The following ZNF385D variants were observed in gnomAD, a reference collection of about 807,000 sequenced individuals.
ZNF385D encodes zinc finger protein 385D, also known as zinc finger protein 659.
Under a neutral mutation model 35.8 loss-of-function variants are expected in ZNF385D, and 15 were observed. The ratio of observed to expected loss-of-function variants is 0.42; its 90% CI spans 0.28 to 0.64. The LOEUF (loss-of-function observed/expected upper bound fraction) is 0.64, where lower values mean the gene tolerates loss of function less well. Among genes scored for constraint, ZNF385D ranks in the 30% least tolerant of loss-of-function variants. The pLI is 0.23. For synonymous variants in ZNF385D, 212 were observed against 186.8 expected (o/e 1.13, Z -1.10); for missense variants, 474 against 494.6 (o/e 0.96, Z 0.39).
Position 21,510,962 on chromosome 3 carries a change from G to A in ZNF385D, c.338C>T (p.Ala113Val). ...KHAKKLKALEAMKNKQKSVTA... is the reference protein window; with the variant it reads ...KHAKKLKALEVMKNKQKSVTA... The stretch of plus-strand genomic sequence containing the variant: ...TACAGATTTCTGCTTATTTTTCATG[G>A]CTTCCAGTGCTTTGAGCTTCTTGGC... Residue 113 changes from alanine (A) to valine (V), a missense_variant, in exon 4 of 8, where the codon GCC becomes GTC. Ala to Val is a moderately conservative substitution (Grantham distance 64). Transcript: ENST00000281523. The A allele has an allele frequency of 6.2e-7, 1 of 1,614,090 alleles. No homozygotes were observed.
At chr3:22,132,542 GC>G (rs1200775148) in intron 3 of ZNF385D, among the ~76,000 whole-genome samples, 1 of 152,034 alleles carries the variant, frequency 6.6e-6, no homozygotes, top group African/African-American at 2.4e-5. Flanking sequence ...CAGAATCAAT[GC>G]AAAAAATTAG....
chr3:21,651,287 CAAAAAAAAAA>C (rs71044931), intron 2 of ZNF385D, among the ~76,000 whole-genome samples: 1 of 80,114 alleles, frequency 1.2e-5, no homozygotes, highest in African/African-American at 5.2e-5. Context: ...GACTTCATCT[CAAAAAAAAAA>C]AAAAAAAAAA....
At chr3:21,795,771 A>T (rs1266401195) in intron 3 of ZNF385D, among the ~76,000 whole-genome samples, 1 of 152,208 alleles carries the variant, frequency 6.6e-6, no homozygotes. Context: ...CTTTTCTCCC[A>T]CTAATGCCAC....
At chr3:22,361,582 A>G (rs1475925478) in intron 2 of ZNF385D, among the ~76,000 whole-genome samples, 2 of 152,142 alleles carry the variant, frequency 1.3e-5, no homozygotes, top group Non-Finnish European at 1.5e-5. Flanking sequence ...TAATACTGTC[A>G]TTTATTGATT....
intron 4 of ZNF385D, among the ~76,000 whole-genome samples, chr3:21,461,569 C>CAAACAAACAAACAA (rs142496638): frequency 1.3e-4 from 20 of 152,112 alleles, no homozygotes; most frequent in African/African-American, 3.6e-4. Flanking sequence ...AACAAACAAA[C>CAAACAAACAAACAA]AAACAAATCT....
At chr3:21,485,677 A>G (rs1462553545) in intron 4 of ZNF385D, among the ~76,000 whole-genome samples, 1 of 152,106 alleles carries the variant, frequency 6.6e-6, no homozygotes, top group Non-Finnish European at 1.5e-5. Flanking sequence ...CACATTAATA[A>G]TAATGATCAT....
rs5008263 is a variant in ZNF385D at position 21,663,915 on chromosome 3, A to T, written c.165+971T>A. Among the ~76,000 whole-genome samples the T allele has an allele frequency of 4.8e-3, 504 of 105,742 alleles. 16 individuals carry two copies. Among genetic ancestry groups the T allele is most frequent in the African/African-American group, 0.013 (356 of 26,562 alleles). 69.4% of individuals were successfully genotyped at this position (105,742 alleles called of 152,430 possible). A position where few individuals can be genotyped will look rare whatever the true frequency, so the allele number is the denominator to read the frequency against. ...AATATATATATATATATATATATAT[A>T]TATTTATTTATTTAAATCCATCATG... is the stretch of plus-strand genomic sequence containing the variant. On this transcript the variant is annotated intron_variant, in intron 2 of 7. Coordinates refer to ENST00000281523, the MANE Select transcript of ZNF385D (RefSeq NM_024697.3).
intron 2 of ZNF385D, among the ~76,000 whole-genome samples, chr3:22,252,249 A>T (rs918501312): frequency 6.6e-6 from 1 of 152,044 alleles, no homozygotes; most frequent in African/African-American, 2.4e-5. Context: ...TTATGAAAGG[A>T]AATTGAGGGG....
chr3:21,577,498 G>A (rs1287209542), intron 2 of ZNF385D, among the ~76,000 whole-genome samples: 1 of 152,156 alleles, frequency 6.6e-6, no homozygotes, highest in Non-Finnish European at 1.5e-5. Context: ...TTGACATACT[G>A]ATTTCCTTTC....
intron 3 of ZNF385D, among the ~76,000 whole-genome samples, chr3:21,935,025 T>G (rs1377884352): frequency 6.6e-6 from 1 of 152,196 alleles, no homozygotes; most frequent in Non-Finnish European, 1.5e-5. Context: ...TAGCTCTTAG[T>G]TGCATGTTGC....
intron 2 of ZNF385D, among the ~76,000 whole-genome samples, chr3:22,273,686 G>A (rs578192416): frequency 6.9e-4 from 105 of 152,114 alleles, no homozygotes; most frequent in East Asian, 6.8e-3. Context: ...GTGAGAGAAC[G>A]AGACAGATGT....
At chr3:21,849,189 T>A (rs917573577) in intron 3 of ZNF385D, among the ~76,000 whole-genome samples, 1 of 152,074 alleles carries the variant, frequency 6.6e-6, no homozygotes, top group African/African-American at 2.4e-5. Flanking sequence ...ATATTATAAG[T>A]CTTGAAAACA....
intron 3 of ZNF385D, among the ~76,000 whole-genome samples, chr3:21,913,931 G>A (rs894654278): frequency 6.6e-6 from 1 of 152,040 alleles, no homozygotes; most frequent in Non-Finnish European, 1.5e-5. Context: ...ATTAATGCAA[G>A]CCCTGAAGTA....
In ZNF385D at chr3:21,583,959, C is replaced by CTTAT. The variant is rs56661908; in HGVS notation, c.166-19279_166-19276dup. On this transcript the variant is annotated intron_variant, in intron 2 of 7. Coordinates refer to ENST00000281523, the MANE Select transcript of ZNF385D (RefSeq NM_024697.3). ...CACATGTATTTATTTTACTTATTTA[C>CTTAT]TTATTTATTTATTTATTTATTTATT... is the stretch of plus-strand genomic sequence containing the variant. 2.2e-3 allele frequency among the ~76,000 whole-genome samples: 303 copies of CTTAT among 138,296 alleles called. 1 individual carries two copies. Among genetic ancestry groups the CTTAT allele is most frequent in the African/African-American group, 5.7e-3 (205 of 36,008 alleles). The allele number at this position is 138,296 out of a possible 152,430, so 90.7% of individuals were successfully genotyped here. A position where few individuals can be genotyped will look rare whatever the true frequency, so the allele number is the denominator to read the frequency against.
intron 3 of ZNF385D, among the ~76,000 whole-genome samples, chr3:21,876,823 C>G (rs1697999783): frequency 6.6e-6 from 1 of 152,034 alleles, no homozygotes; most frequent in Non-Finnish European, 1.5e-5. Flanking sequence ...CTGCAAGCTA[C>G]TAAGCATTAG....
chr3:22,036,635 C>A (rs150720231), intron 3 of ZNF385D, among the ~76,000 whole-genome samples: 3,246 of 149,698 alleles, frequency 0.022, 121 homozygotes, highest in African/African-American at 0.074. Flanking sequence ...ATTGCAAAAA[C>A]AAGCAAAGAG....
chr3:22,311,081 G>T (rs572484893), intron 2 of ZNF385D, among the ~76,000 whole-genome samples: 31 of 151,804 alleles, frequency 2.0e-4, no homozygotes, highest in Non-Finnish European at 3.7e-4. Flanking sequence ...CCAGGTTATT[G>T]TAATAGGCAA....
chr3:21,782,378 T>C (rs2071526562), intron 3 of ZNF385D, among the ~76,000 whole-genome samples: 1 of 152,106 alleles, frequency 6.6e-6, no homozygotes, highest in South Asian at 2.1e-4. Flanking sequence ...AGTTTAAATA[T>C]TTCTTTTATA....
At chr3:22,043,854 C>G (rs1698823093) in intron 3 of ZNF385D, among the ~76,000 whole-genome samples, 1 of 152,078 alleles carries the variant, frequency 6.6e-6, no homozygotes. Flanking sequence ...TGCATGCTTG[C>G]TTTGATAAGG....
Sources: allele counts gnomAD v4.1 joint callset (sites outside exome capture counted in the v4.1 genomes callset), GRCh38; gene constraint gnomAD v4.1.1; transcripts MANE v1.5; gene names NCBI Gene and HGNC (gene_info 2026-07-23, HGNC 2026-07-21).